The following PPEF1 variants were observed in gnomAD, a reference collection of about 807,000 sequenced individuals.
The protein encoded by PPEF1 is serine/threonine-protein phosphatase with EF-hands 1.
PPEF1 carries 12 observed loss-of-function variants against 53.3 expected under a neutral mutation model. The ratio of observed to expected loss-of-function variants is 0.23; its 90% CI spans 0.14 to 0.36. PPEF1 has a LOEUF of 0.36. PPEF1 is among the 10% of genes least tolerant of loss of function. PPEF1 has a pLI of 1.00. For missense variants in PPEF1, 334 were observed against 490.4 expected, an observed-to-expected ratio of 0.68 and a Z score of 3.01; for synonymous variants, 165 against 176.7, an observed-to-expected ratio of 0.93 and a Z score of 0.52.
At chrX:18,794,169 C>T (rs1397276521) in intron 10 of PPEF1, among the ~76,000 whole-genome samples, 1 of 113,175 alleles carries the variant, frequency 8.8e-6, no homozygotes, top group African/African-American at 3.2e-5. Flanking sequence ...GGGCTTTAAC[C>T]ATGTTTGAGG....
intron 3 of PPEF1, among the ~76,000 whole-genome samples, chrX:18,743,036 A>G (rs972892361): frequency 3.6e-5 from 4 of 111,866 alleles, no homozygotes; most frequent in African/African-American, 1.3e-4. Context: ...CGGTTAAAAC[A>G]AGTCACAAGG....
At chrX:18,821,803 GAA>G (rs1295876564) in intron 13 of PPEF1, among the ~76,000 whole-genome samples, 7 of 100,361 alleles carry the variant, frequency 7.0e-5, no homozygotes, top group South Asian at 4.5e-4. Flanking sequence ...GAGAGAGAGA[GAA>G]AACAAATAAC....
chrX:18,730,094 CT>C (rs913990726), intron 1 of PPEF1, 86 bp from the exon 2 acceptor site: 112 of 952,780 alleles, frequency 1.2e-4, no homozygotes, highest in Middle Eastern at 3.4e-4. Flanking sequence ...AGGTGGACTG[CT>C]TTTTTTTTCC....
chrX:18,824,941 G>C (rs2047138918), intron 14 of PPEF1, among the ~76,000 whole-genome samples: 1 of 111,819 alleles, frequency 8.9e-6, no homozygotes, highest in Non-Finnish European at 1.9e-5. Flanking sequence ...TGGGATTACA[G>C]GCATGAGCCC....
chrX:18,727,370 G>T (rs754492059), intron 1 of PPEF1, among the ~76,000 whole-genome samples: 3 of 111,309 alleles, frequency 2.7e-5, no homozygotes, highest in Non-Finnish European at 5.7e-5. Flanking sequence ...GGTGACCCTA[G>T]AGCCTCCATC....
intron 7 of PPEF1, 82 bp from the exon 8 acceptor site, chrX:18,782,284 T>C: frequency 1.3e-6 from 1 of 797,718 alleles, no homozygotes; most frequent in African/African-American, 2.1e-5. Flanking sequence ...GATACTGAGA[T>C]GCCAAGGGCT....
chrX:18,735,678 G>A (rs1463701991), intron 3 of PPEF1, among the ~76,000 whole-genome samples: 1 of 111,950 alleles, frequency 8.9e-6, no homozygotes, highest in Non-Finnish European at 1.9e-5. Context: ...GTCATTGGTA[G>A]CTTGATGGGG....
At chrX:18,743,178 A>G (rs1209674866) in intron 3 of PPEF1, among the ~76,000 whole-genome samples, 1 of 111,926 alleles carries the variant, frequency 8.9e-6, no homozygotes, top group East Asian at 2.8e-4. Flanking sequence ...AAAATGTACC[A>G]CAAGCCAGGG....
intron 4 of PPEF1, among the ~76,000 whole-genome samples, chrX:18,693,423 C>G (rs917122132): frequency 1.8e-5 from 2 of 111,993 alleles, no homozygotes; most frequent in East Asian, 5.6e-4. Flanking sequence ...CTTTCTCTAT[C>G]TTTTATGCCC....
intron 10 of PPEF1, among the ~76,000 whole-genome samples, chrX:18,796,861 C>G (rs1421874574): frequency 8.9e-6 from 1 of 111,857 alleles, no homozygotes; most frequent in Non-Finnish European, 1.9e-5. Context: ...AAGGTTAGAA[C>G]AAGCTCTTCT....
intron 1 of PPEF1, among the ~76,000 whole-genome samples, chrX:18,725,238 G>A (rs2044679714): frequency 9.0e-6 from 1 of 111,222 alleles, no homozygotes; most frequent in African/African-American, 3.3e-5. Context: ...AGAATTGAAT[G>A]TAAAGAACTA....
chrX:18,757,304 C>G (rs1351767073), intron 4 of PPEF1, among the ~76,000 whole-genome samples: 1 of 109,395 alleles, frequency 9.1e-6, no homozygotes, highest in Non-Finnish European at 1.9e-5. Flanking sequence ...TTCATTCTCC[C>G]TCTCCTTTTT....
intron 3 of PPEF1, among the ~76,000 whole-genome samples, chrX:18,747,273 A>T (rs148161430): frequency 0.017 from 1,835 of 110,828 alleles, 49 homozygotes; most frequent in African/African-American, 0.057. Flanking sequence ...TGAAGAGAGG[A>T]TCATGCTGGA....
In PPEF1 at chrX:18,764,811, T is replaced by A. The variant is rs188194282; in HGVS notation, c.558+3235T>A. On this transcript the variant is annotated intron_variant, in intron 6 of 15. Coordinates refer to ENST00000470157, the MANE Select transcript of PPEF1 (RefSeq NM_001377996.1). ...TGAGTAAATTAAATCGGGAACGTAG[T>A]CACTAAATTCCAAGGCATTTAGAAA... 3.5e-3 allele frequency among the ~76,000 whole-genome samples: 387 copies of A among 111,881 alleles called. 2 individuals carry two copies. The highest frequency in any genetic ancestry group is 5.5e-3 in the Non-Finnish European group (293 of 53,192).
intron 1 of PPEF1, among the ~76,000 whole-genome samples, chrX:18,723,236 C>T (rs909129788): frequency 4.5e-5 from 5 of 111,131 alleles, no homozygotes; most frequent in African/African-American, 9.8e-5. Flanking sequence ...CCACCTGCTT[C>T]GGCCTCCCAA....
chrX:18,809,065 T>TTA (rs1343301637), intron 12 of PPEF1, among the ~76,000 whole-genome samples: 12 of 104,794 alleles, frequency 1.1e-4, no homozygotes, highest in Admixed American at 4.3e-4. Flanking sequence ...GATTTATATA[T>TTA]TATATATATA....
At chrX:18,776,209 G>GTGGTTGGT (rs564617999) in intron 6 of PPEF1, among the ~76,000 whole-genome samples, 14 of 103,587 alleles carry the variant, frequency 1.4e-4, no homozygotes, top group African/African-American at 4.6e-4. Flanking sequence ...CCCTTTCTTT[G>GTGGTTGGT]TGGTTGGTTG....
intron 6 of PPEF1, among the ~76,000 whole-genome samples, chrX:18,767,410 T>G (rs1008227738): frequency 1.8e-5 from 2 of 111,271 alleles, no homozygotes; most frequent in Admixed American, 9.5e-5. Flanking sequence ...CTGGGCGTGG[T>G]GGCACACACC....
At chrX:18,701,866 C>T (rs1382406061) in intron 6 of PPEF1, among the ~76,000 whole-genome samples, 1 of 112,473 alleles carries the variant, frequency 8.9e-6, no homozygotes. Flanking sequence ...GAAAACCTGG[C>T]ACCAGGCCAC....
Sources: allele counts gnomAD v4.1 joint callset (sites outside exome capture counted in the v4.1 genomes callset), GRCh38; gene constraint gnomAD v4.1.1; transcripts MANE v1.5; gene names NCBI Gene and HGNC (gene_info 2026-07-23, HGNC 2026-07-21).